Variants in RASAL2 observed in about 807,000 individuals in gnomAD.
RASAL2 encodes the protein ras GTPase-activating protein nGAP.
In RASAL2, 58 loss-of-function variants were observed where a neutral mutation model predicts 128.9. The observed-to-expected ratio is 0.45, with a 90% CI of 0.36 to 0.56. The LOEUF is 0.56. Among genes scored for constraint, RASAL2 ranks in the 20% least tolerant of loss-of-function variants. The pLI is 0.00. For missense variants in RASAL2, 1,360 were observed against 1,601.6 expected (o/e 0.85, Z 2.57); for synonymous variants, 561 against 580.8 (o/e 0.97, Z 0.49).
At chr1:178,447,673 TAAAAAAAAAAAAAA>T (rs60358768) in intron 9 of RASAL2, among the ~76,000 whole-genome samples, 81 of 56,038 alleles carry the variant, frequency 1.4e-3, no homozygotes, top group African/African-American at 3.5e-3. Flanking sequence ...CTCCTTCTCT[TAAAAAAAAAAAAAA>T]AAAAAAAAAA....
intron 14 of RASAL2, among the ~76,000 whole-genome samples, chr1:178,463,307 CATT>C (rs1371850364): frequency 6.6e-6 from 1 of 152,168 alleles, no homozygotes; most frequent in Non-Finnish European, 1.5e-5. Flanking sequence ...GTGTTTCCAT[CATT>C]GTTTGTGGAG....
intron 1 of RASAL2, among the ~76,000 whole-genome samples, chr1:178,168,132 A>G (rs909710894): frequency 1.3e-5 from 2 of 152,082 alleles, no homozygotes; most frequent in African/African-American, 4.8e-5. Flanking sequence ...ACCCACCTGC[A>G]TATGTTCTAG....
intron 1 of RASAL2, among the ~76,000 whole-genome samples, chr1:178,123,524 A>G (rs935545411): frequency 6.6e-6 from 1 of 152,222 alleles, no homozygotes; most frequent in Non-Finnish European, 1.5e-5. Context: ...TGCGCTAAGT[A>G]GATATAGATA....
At chr1:178,450,347 G>A (rs558122116) in intron 9 of RASAL2, among the ~76,000 whole-genome samples, 2 of 152,116 alleles carry the variant, frequency 1.3e-5, no homozygotes, top group South Asian at 4.2e-4. Flanking sequence ...GACTTTTCCA[G>A]GCCCCACAGT....
rs530539150 is a variant in RASAL2, at chr1:178,373,491, C to G, written c.458-16609C>G. Among the ~76,000 whole-genome samples, 255 of 151,894 alleles carry G rather than the reference C, an allele frequency of 1.7e-3. 1 individual carries two copies. Among genetic ancestry groups the G allele is most frequent in the South Asian group, 6.9e-3 (33 of 4,812 alleles). ...TCCCATTCCCCTCCCCTGACACATG[C>G]ATACATACACATAGAGAAACATCAG... On this transcript the variant is annotated intron_variant, in intron 3 of 17. Transcript: ENST00000367649.
At chr1:178,197,453 C>T (rs909174898) in intron 1 of RASAL2, among the ~76,000 whole-genome samples, 9 of 146,564 alleles carry the variant, frequency 6.1e-5, no homozygotes, top group Admixed American at 2.0e-4. Flanking sequence ...GACTCTGTCT[C>T]GAAAAAAAAA....
intron 1 of RASAL2, among the ~76,000 whole-genome samples, chr1:178,183,587 G>A (rs1662189421): frequency 6.6e-6 from 1 of 152,164 alleles, no homozygotes; most frequent in South Asian, 2.1e-4. Flanking sequence ...AAATCATAGA[G>A]TATGTAGACT....
At chr1:178,445,330 G>C (rs1420858623) in intron 8 of RASAL2, among the ~76,000 whole-genome samples, 188 bp from the exon 9 acceptor site, 1 of 152,136 alleles carries the variant, frequency 6.6e-6, no homozygotes, top group Non-Finnish European at 1.5e-5. Context: ...GAAAATCTTT[G>C]AGGGAATTTT....
intron 2 of RASAL2, among the ~76,000 whole-genome samples, chr1:178,296,190 T>A (rs1443740745): frequency 1.3e-5 from 2 of 151,974 alleles, no homozygotes; most frequent in African/African-American, 2.4e-5. Flanking sequence ...TATATATATA[T>A]AAATATGTGC....
chr1:178,460,995 G>C (rs960558232), intron 14 of RASAL2, among the ~76,000 whole-genome samples: 1 of 151,980 alleles, frequency 6.6e-6, no homozygotes, highest in African/African-American at 2.4e-5. Flanking sequence ...TGTATTTTTA[G>C]TAGAGGTGGG....
intron 16 of RASAL2, 34 bp from the exon 17 acceptor site, chr1:178,467,300 A>G: frequency 6.4e-7 from 1 of 1,563,654 alleles, no homozygotes; most frequent in Non-Finnish European, 8.8e-7. Flanking sequence ...CCTTTCTTTG[A>G]AGATGTTGAT....
chr1:178,271,467 A>G (rs1666255669), intron 1 of RASAL2, among the ~76,000 whole-genome samples: 1 of 152,204 alleles, frequency 6.6e-6, no homozygotes, highest in Non-Finnish European at 1.5e-5. Context: ...TAGCTGCCAT[A>G]TATTTCTTAA....
chr1:178,408,969 A>C (rs994866664), intron 4 of RASAL2, among the ~76,000 whole-genome samples: 1 of 152,078 alleles, frequency 6.6e-6, no homozygotes, highest in African/African-American at 2.4e-5. Flanking sequence ...GTAATTTATG[A>C]AGAGAGAGGT....
At chr1:178,140,004 G>A (rs1404811765) in intron 1 of RASAL2, among the ~76,000 whole-genome samples, 1 of 152,118 alleles carries the variant, frequency 6.6e-6, no homozygotes, top group Non-Finnish European at 1.5e-5. Flanking sequence ...GCTAAGAGGT[G>A]AAAGAACTTG....
chr1:178,282,902 C>A (rs1557875561), intron 1 of RASAL2, among the ~76,000 whole-genome samples: 1 of 152,072 alleles, frequency 6.6e-6, no homozygotes, highest in Non-Finnish European at 1.5e-5. Context: ...ATGTTAGTAA[C>A]CACTTGGTAT....
chr1:178,293,360 G>GA (rs1557881796), intron 2 of RASAL2, among the ~76,000 whole-genome samples: 1 of 152,170 alleles, frequency 6.6e-6, no homozygotes, highest in African/African-American at 2.4e-5. Context: ...CTTAATAAAA[G>GA]AAGCAATTTG....
intron 1 of RASAL2, among the ~76,000 whole-genome samples, chr1:178,096,229 T>A (rs1658676767): frequency 6.6e-6 from 1 of 152,212 alleles, no homozygotes; most frequent in Non-Finnish European, 1.5e-5. Flanking sequence ...CATCTTTCTC[T>A]CCTTACACAC....
chr1:178,408,962 A>G (rs535310726), intron 4 of RASAL2, among the ~76,000 whole-genome samples: 2 of 152,212 alleles, frequency 1.3e-5, no homozygotes, highest in East Asian at 1.9e-4. Context: ...AGACTGGGTA[A>G]TTTATGAAGA....
intron 3 of RASAL2, among the ~76,000 whole-genome samples, chr1:178,339,472 A>T (rs1251337750): frequency 6.6e-6 from 1 of 152,180 alleles, no homozygotes; most frequent in Non-Finnish European, 1.5e-5. Context: ...TAAATGCTTC[A>T]CTATTTAGCC....
Sources: gnomAD v4.1 joint callset for allele counts (sites outside exome capture counted in the v4.1 genomes callset) on GRCh38, gnomAD v4.1.1 for gene constraint, MANE v1.5 for transcripts, NCBI Gene and HGNC (gene_info 2026-07-23, HGNC 2026-07-21) for gene names.